PAQR5: variants seen among roughly 807,000 people sequenced by gnomAD.
PAQR5 encodes the protein progestin and adipoQ receptor family member 5.
A neutral mutation model predicts 34.5 loss-of-function variants in PAQR5; 20 were observed. That is an observed-to-expected ratio of 0.58 (90% confidence interval 0.41 to 0.84). The LOEUF (loss-of-function observed/expected upper bound fraction) is 0.84, where lower values mean the gene tolerates loss of function less well. Ranked by LOEUF, PAQR5 falls within the 40% of genes least tolerant of loss-of-function variation. PAQR5 has a pLI of 0.00. For synonymous variants in PAQR5, 131 were observed against 155.6 expected (o/e 0.84, Z 1.18); for missense variants, 378 against 412.7 (o/e 0.92, Z 0.73).
chr15:69,397,639 G>C, intron 7 of PAQR5, 75 bp downstream of exon 7: 1 of 1,004,060 alleles, frequency 1.0e-6, no homozygotes, highest in Non-Finnish European at 1.6e-6. Context: ...GCTTCTGGGG[G>C]GTCACAGCAC....
chr15:69,346,323 T>TTC (rs1397842208), intron 2 of PAQR5, among the ~76,000 whole-genome samples: 28 of 146,204 alleles, frequency 1.9e-4, no homozygotes, highest in Middle Eastern at 3.4e-3. Flanking sequence ...TTTTTTTTTT[T>TTC]GCGACAGGGT....
At chr15:69,344,427 T>C (rs1427410182) in intron 2 of PAQR5, among the ~76,000 whole-genome samples, 1 of 152,200 alleles carries the variant, frequency 6.6e-6, no homozygotes, top group African/African-American at 2.4e-5. Context: ...CCCCCTGGTG[T>C]TGATTAAAAA....
chr15:69,390,074 G>A (rs1233932656), intron 6 of PAQR5, among the ~76,000 whole-genome samples: 1 of 152,166 alleles, frequency 6.6e-6, no homozygotes, highest in African/African-American at 2.4e-5. Flanking sequence ...GAAGTGTGAT[G>A]GCACAATCTT....
intron 2 of PAQR5, among the ~76,000 whole-genome samples, chr15:69,344,214 G>T (rs907069765): frequency 6.6e-6 from 1 of 152,184 alleles, no homozygotes; most frequent in Admixed American, 6.5e-5. Flanking sequence ...GCTGTCTTGT[G>T]GCATGCTTCA....
At chr15:69,389,575 T>A (rs1301867410) in intron 5 of PAQR5, 79 bp from the exon 6 acceptor site, 1 of 1,579,150 alleles carries the variant, frequency 6.3e-7, no homozygotes, top group Non-Finnish European at 8.6e-7. Context: ...CCAAGCCAGA[T>A]GCTGGGGACA....
intron 1 of PAQR5, among the ~76,000 whole-genome samples, chr15:69,307,392 G>A (rs2053742240): frequency 6.6e-6 from 1 of 152,206 alleles, no homozygotes; most frequent in African/African-American, 2.4e-5. Flanking sequence ...AACCATCATA[G>A]TATTAAGGAA....
intron 3 of PAQR5, among the ~76,000 whole-genome samples, chr15:69,361,863 G>C (rs1291758749): frequency 6.6e-6 from 1 of 152,136 alleles, no homozygotes; most frequent in Non-Finnish European, 1.5e-5. Context: ...GATCTGAGGG[G>C]TGGACAGGAT....
intron 6 of PAQR5, among the ~76,000 whole-genome samples, chr15:69,393,124 C>T (rs2056317358): frequency 6.6e-6 from 1 of 151,942 alleles, no homozygotes. Flanking sequence ...ATGTTGGAAT[C>T]AAAAAGGAGG....
chr15:69,359,593 T>G (rs556106548), intron 2 of PAQR5, among the ~76,000 whole-genome samples: 64 of 152,276 alleles, frequency 4.2e-4, no homozygotes, highest in Middle Eastern at 6.8e-3. Flanking sequence ...ATACAATGTC[T>G]GTAATCTATA....
intron 1 of PAQR5, among the ~76,000 whole-genome samples, chr15:69,310,906 G>A (rs578110154): frequency 0.053 from 8,099 of 151,440 alleles, 683 homozygotes; most frequent in African/African-American, 0.19. Flanking sequence ...GGGTGTGGTG[G>A]CGGGCGCCTG....
intron 1 of PAQR5, among the ~76,000 whole-genome samples, chr15:69,326,935 A>G (rs1465680796): frequency 6.7e-6 from 1 of 150,304 alleles, no homozygotes; most frequent in Non-Finnish European, 1.5e-5. Context: ...TATGTTGTGC[A>G]TTCTATGGAC....
At chr15:69,398,505 G>A (rs983626756) in intron 7 of PAQR5, among the ~76,000 whole-genome samples, 3 of 152,132 alleles carry the variant, frequency 2.0e-5, no homozygotes, top group Admixed American at 1.3e-4. Context: ...TCCAGTACCC[G>A]GTGAGTGAAG....
chr15:69,390,845 T>G (rs1226696701), intron 6 of PAQR5, among the ~76,000 whole-genome samples: 2 of 151,430 alleles, frequency 1.3e-5, no homozygotes, highest in African/African-American at 2.4e-5. Flanking sequence ...TTTTTTTTTC[T>G]TTCAAGAAAA....
intron 2 of PAQR5, among the ~76,000 whole-genome samples, chr15:69,341,186 C>T (rs1038096382): frequency 7.4e-6 from 1 of 135,844 alleles, no homozygotes; most frequent in African/African-American, 2.7e-5. Context: ...TCTACCCGCC[C>T]CCGGCCCCCC....
chr15:69,311,792 C>T (rs1213751727), intron 1 of PAQR5, among the ~76,000 whole-genome samples: 2 of 152,196 alleles, frequency 1.3e-5, no homozygotes, highest in African/African-American at 4.8e-5. Flanking sequence ...TTGGTGTGGC[C>T]CCTCCTCTTG....
rs1289538597 is a variant in PAQR5 at position 69,300,939 on chromosome 15, CTTTCTTTCCT to C, written c.-277+1885_-277+1894del. Among the ~76,000 whole-genome samples the C allele has an allele frequency of 5.4e-4, 20 of 37,358 alleles. 5 individuals carry two copies. The highest frequency in any genetic ancestry group is 1.5e-3 in the African/African-American group (19 of 12,530). 24.5% of individuals were successfully genotyped at this position (37,358 alleles called of 152,430 possible). ...TTTCTCTCTCTCTCTCTCTCTCTCT[CTTTCTTTCCT>C]TCTTTCTTTCTTTCTTTCTTTCTTT... On this transcript the variant is annotated intron_variant, in intron 1 of 8. Transcript: ENST00000395407.
intron 2 of PAQR5, among the ~76,000 whole-genome samples, chr15:69,340,668 A>G (rs8043120): frequency 0.93 from 142,060 of 152,178 alleles, 67,144 homozygotes; most frequent in East Asian, 1. Flanking sequence ...TGGCGGGGTG[A>G]GCTTCTGGTC....
chr15:69,396,527 G>A (rs1326696795), intron 6 of PAQR5, among the ~76,000 whole-genome samples: 2 of 152,156 alleles, frequency 1.3e-5, no homozygotes, highest in Non-Finnish European at 2.9e-5. Context: ...TGGGCCCCAA[G>A]GGAGGACACA....
intron 6 of PAQR5, chr15:69,391,878 G>A: frequency 2.7e-6 from 1 of 374,808 alleles, no homozygotes; most frequent in South Asian, 2.0e-5. Flanking sequence ...CCAATGTGGT[G>A]AAAACCTGTC....
Sources: gnomAD v4.1 joint callset for allele counts (sites outside exome capture counted in the v4.1 genomes callset) on GRCh38, gnomAD v4.1.1 for gene constraint, MANE v1.5 for transcripts, NCBI Gene and HGNC (gene_info 2026-07-23, HGNC 2026-07-21) for gene names.